SPMAP2L: variants seen among roughly 807,000 people sequenced by gnomAD.
SPMAP2L encodes sperm microtubule associated protein 2-like.
At chr4:56,531,108 A>G in the SPMAP2L span, 73 of 1,535,356 alleles carry the variant, frequency 4.8e-5, no homozygotes, top group Non-Finnish European at 6.1e-5. Context: ...GCGCCGCAGT[A>G]ATGATCTCCC....
the SPMAP2L span, among the ~76,000 whole-genome samples, chr4:56,564,914 T>G: frequency 6.6e-6 from 1 of 152,206 alleles, no homozygotes; most frequent in African/African-American, 2.4e-5. Context: ...TTTGATATCA[T>G]GTTTGAGCCA....
the SPMAP2L span, among the ~76,000 whole-genome samples, chr4:56,606,373 C>A: frequency 6.6e-6 from 1 of 152,108 alleles, no homozygotes; most frequent in Non-Finnish European, 1.5e-5. Flanking sequence ...TCAAGGTTTC[C>A]TAGCCGAGGT....
the SPMAP2L span, chr4:56,593,543 C>A: frequency 6.2e-7 from 1 of 1,600,238 alleles, no homozygotes; most frequent in Non-Finnish European, 8.6e-7. Flanking sequence ...TGCTACTGAC[C>A]TTTTAGCTTT....
the SPMAP2L span, among the ~76,000 whole-genome samples, chr4:56,537,787 G>A: frequency 1.3e-5 from 2 of 151,810 alleles, no homozygotes; most frequent in South Asian, 2.1e-4. Context: ...CCACCTCCCG[G>A]GTTCACGCCA....
chr4:56,568,834 CCTAAGTAACCA>C, the SPMAP2L span, among the ~76,000 whole-genome samples: 2 of 152,158 alleles, frequency 1.3e-5, no homozygotes, highest in Non-Finnish European at 2.9e-5. Context: ...TTCTCCAAGC[CCTAAGTAACCA>C]CTAATCTATT....
the SPMAP2L span, among the ~76,000 whole-genome samples, chr4:56,611,256 C>A: frequency 6.6e-6 from 1 of 152,190 alleles, no homozygotes; most frequent in Admixed American, 6.5e-5. Context: ...GATTAATACT[C>A]AGCCATAAAA....
the SPMAP2L span, among the ~76,000 whole-genome samples, chr4:56,563,071 G>A: frequency 7.1e-6 from 1 of 140,992 alleles, no homozygotes. Flanking sequence ...TGCATCTAAA[G>A]ATAAGAAGGT....
the SPMAP2L span, among the ~76,000 whole-genome samples, chr4:56,586,446 G>A: frequency 2.6e-5 from 4 of 152,124 alleles, no homozygotes; most frequent in Non-Finnish European, 1.5e-5. Flanking sequence ...CCAGTCTCAT[G>A]ACTTCATCCA....
the SPMAP2L span, chr4:56,559,281 G>A: frequency 1.1e-6 from 1 of 924,806 alleles, no homozygotes; most frequent in East Asian, 5.2e-5. Context: ...ACTCCAGCCT[G>A]GGCAACAGAG....
chr4:56,598,108 G>A, the SPMAP2L span, among the ~76,000 whole-genome samples: 1 of 152,154 alleles, frequency 6.6e-6, no homozygotes, highest in African/African-American at 2.4e-5. Flanking sequence ...AGTGATCCTT[G>A]TGCCTCAACC....
chr4:56,585,140 C>T, the SPMAP2L span, among the ~76,000 whole-genome samples: 1 of 152,214 alleles, frequency 6.6e-6, no homozygotes, highest in Non-Finnish European at 1.5e-5. Context: ...AGGCCCCACT[C>T]TTGTCCAATC....
At chr4:56,620,971 T>C in the SPMAP2L span, among the ~76,000 whole-genome samples, 1 of 152,194 alleles carries the variant, frequency 6.6e-6, no homozygotes, top group Non-Finnish European at 1.5e-5. Context: ...GAGGTTAGTA[T>C]TTATTAGATT....
chr4:56,611,537 A>T, the SPMAP2L span, among the ~76,000 whole-genome samples: 1 of 152,206 alleles, frequency 6.6e-6, no homozygotes, highest in East Asian at 1.9e-4. Context: ...GTACTTACTC[A>T]TGTAACCAAA....
At chr4:56,603,192 T>C in the SPMAP2L span, 4 of 1,494,558 alleles carry the variant, frequency 2.7e-6, no homozygotes, top group East Asian at 9.9e-5. Flanking sequence ...GGTTGATTTC[T>C]TTTTCCCCTA....
At chr4:56,586,525 A>C in the SPMAP2L span, among the ~76,000 whole-genome samples, 1 of 152,178 alleles carries the variant, frequency 6.6e-6, no homozygotes, top group African/African-American at 2.4e-5. Flanking sequence ...TCAACATGTG[A>C]ATTTCAGAGG....
At chr4:56,586,072 T>C in the SPMAP2L span, among the ~76,000 whole-genome samples, 4 of 152,168 alleles carry the variant, frequency 2.6e-5, no homozygotes, top group Non-Finnish European at 4.4e-5. Context: ...TTTTCTCTGC[T>C]CCATGATGTC....
At chr4:56,542,210 CAG>C in the SPMAP2L span, among the ~76,000 whole-genome samples, 1 of 152,238 alleles carries the variant, frequency 6.6e-6, no homozygotes, top group South Asian at 2.1e-4. Flanking sequence ...TAGCAGGCAA[CAG>C]AGAAATCTGG....
At chr4:56,583,273 G>A in the SPMAP2L span, among the ~76,000 whole-genome samples, 30 of 147,252 alleles carry the variant, frequency 2.0e-4, no homozygotes, top group African/African-American at 6.6e-4. Context: ...GACTCCATCT[G>A]AGAAAAAAAA....
chr4:56,572,792 G>T, the SPMAP2L span, among the ~76,000 whole-genome samples: 1 of 152,242 alleles, frequency 6.6e-6, no homozygotes, highest in East Asian at 1.9e-4. Flanking sequence ...AAGGCAGGTG[G>T]ATCACCTGAG....
Sources: gnomAD v4.1 joint callset for allele counts (sites outside exome capture counted in the v4.1 genomes callset) on GRCh38, gnomAD v4.1.1 for gene constraint, MANE v1.5 for transcripts, NCBI Gene and HGNC (gene_info 2026-07-23, HGNC 2026-07-21) for gene names.